Variants in DYRK1A observed in about 807,000 individuals in gnomAD.
The protein encoded by DYRK1A is dual specificity tyrosine-phosphorylation-regulated kinase 1A.
Under a neutral mutation model 79.7 loss-of-function variants are expected in DYRK1A, and 9 were observed. The observed-to-expected ratio is 0.11, with a 90% CI of 0.07 to 0.20. The LOEUF is 0.20. Ranked by LOEUF, DYRK1A falls within the 10% of genes least tolerant of loss-of-function variation. The probability of loss-of-function intolerance (pLI) is 1.00; values close to 1 mark genes in which losing one functional copy is unlikely to be tolerated. For missense variants in DYRK1A, 622 were observed against 956.0 expected (o/e 0.65, Z 4.61); for synonymous variants, 349 against 329.7 (o/e 1.06, Z -0.63).
At chr21:37,377,895 G>A (rs2049579662) in intron 1 of DYRK1A, among the ~76,000 whole-genome samples, 1 of 151,984 alleles carries the variant, frequency 6.6e-6, no homozygotes, top group African/African-American at 2.4e-5. Context: ...ATGTATAGTT[G>A]TGTTCTGTGA....
chr21:37,381,694 A>G (rs1487679265), intron 1 of DYRK1A, among the ~76,000 whole-genome samples: 1 of 152,212 alleles, frequency 6.6e-6, no homozygotes, highest in Non-Finnish European at 1.5e-5. Context: ...AGCCTGAGGC[A>G]GGAGGATCGC....
intron 1 of DYRK1A, among the ~76,000 whole-genome samples, chr21:37,371,902 A>AT (rs1305318159): frequency 6.6e-6 from 1 of 152,200 alleles, no homozygotes; most frequent in African/African-American, 2.4e-5. Context: ...TCTTGAGTGT[A>AT]TAACATTTCC....
chr21:37,466,131 T>G (rs1459781656), intron 2 of DYRK1A, among the ~76,000 whole-genome samples: 1 of 152,234 alleles, frequency 6.6e-6, no homozygotes, highest in Non-Finnish European at 1.5e-5. Context: ...AATTCTTTCA[T>G]AGCTATCTGG....
At chr21:37,458,757 C>T (rs775053692) in intron 2 of DYRK1A, among the ~76,000 whole-genome samples, 9 of 152,254 alleles carry the variant, frequency 5.9e-5, no homozygotes, top group Non-Finnish European at 8.8e-5. Context: ...CTTTGCACGC[C>T]GCAGAGGAAT....
At chr21:37,428,100 C>T (rs1378429969) in intron 2 of DYRK1A, among the ~76,000 whole-genome samples, 4 of 152,158 alleles carry the variant, frequency 2.6e-5, no homozygotes, top group Non-Finnish European at 5.9e-5. Context: ...CCCCAGGTCA[C>T]ACAGCTAGTA....
intron 1 of DYRK1A, among the ~76,000 whole-genome samples, chr21:37,417,418 T>C (rs2050364385): frequency 6.6e-6 from 1 of 151,848 alleles, no homozygotes; most frequent in African/African-American, 2.4e-5. Flanking sequence ...GGTCTTGAAC[T>C]CCCAACCTCA....
At chr21:37,417,436 C>T (rs144926105) in intron 1 of DYRK1A, among the ~76,000 whole-genome samples, 160 of 151,830 alleles carry the variant, frequency 1.1e-3, no homozygotes, top group South Asian at 2.3e-3. Flanking sequence ...TCAGGTGATA[C>T]GCCCACCTCG....
chr21:37,375,357 C>T (rs528656868), intron 1 of DYRK1A, among the ~76,000 whole-genome samples: 1 of 152,204 alleles, frequency 6.6e-6, no homozygotes, highest in Non-Finnish European at 1.5e-5. Context: ...ACTTACTTGA[C>T]ATGATTAGAA....
chr21:37,457,645 A>G (rs1053691974), intron 2 of DYRK1A, among the ~76,000 whole-genome samples: 106 of 152,338 alleles, frequency 7.0e-4, no homozygotes, highest in African/African-American at 2.2e-3. Flanking sequence ...TAGAATCACA[A>G]AGCCAAATGA....
At chr21:37,414,602 A>G (rs183446516) in intron 1 of DYRK1A, among the ~76,000 whole-genome samples, 3 of 152,286 alleles carry the variant, frequency 2.0e-5, no homozygotes, top group Non-Finnish European at 4.4e-5. Context: ...TTGGCTTTAC[A>G]TACTACATAC....
intron 2 of DYRK1A, among the ~76,000 whole-genome samples, chr21:37,469,423 T>TAATA (rs1444000587): frequency 6.6e-6 from 1 of 152,248 alleles, no homozygotes; most frequent in Non-Finnish European, 1.5e-5. Context: ...CTGCAGTTTA[T>TAATA]AGGCATAAGA....
At position 37,496,100 on chromosome 21, in the gene DYRK1A, T is replaced by C. The variant is rs1430028829; in HGVS notation, c.1072-18T>C. On this transcript the variant is annotated intron_variant, in intron 8 of 11. Coordinates refer to ENST00000647188, the MANE Select transcript of DYRK1A (RefSeq NM_001347721.2). ...ACAGTAGAAATTACAGGTTTTGTTG[T>C]TTTTATTTTTAATACAGGTAGATCA... 6.3e-7 allele frequency: 1 copy of C among 1,593,568 alleles called. No homozygotes were observed. The highest frequency in any genetic ancestry group is 1.2e-5 in the South Asian group (1 of 86,940).
chr21:37,390,937 T>TA (rs1171898466), intron 1 of DYRK1A, among the ~76,000 whole-genome samples: 10 of 152,342 alleles, frequency 6.6e-5, no homozygotes. Context: ...GTGATGTTGA[T>TA]ATTTTTGAGG....
chr21:37,403,419 C>T (rs1053787727), intron 1 of DYRK1A, among the ~76,000 whole-genome samples: 2 of 151,680 alleles, frequency 1.3e-5, no homozygotes, highest in African/African-American at 2.4e-5. Context: ...TCACATTTTT[C>T]TGTTTCTTTG....
chr21:37,379,203 T>C (rs1267856012), intron 1 of DYRK1A, among the ~76,000 whole-genome samples: 2 of 151,266 alleles, frequency 1.3e-5, no homozygotes, highest in Admixed American at 1.3e-4. Context: ...GACAGATCTG[T>C]GGGTTGGAGG....
intron 2 of DYRK1A, among the ~76,000 whole-genome samples, chr21:37,457,007 A>G (rs1157825446): frequency 6.8e-6 from 1 of 147,718 alleles, no homozygotes; most frequent in East Asian, 2.1e-4. Flanking sequence ...AGAGGTAAAA[A>G]GAAAATTTAC....
intron 4 of DYRK1A, among the ~76,000 whole-genome samples, chr21:37,478,512 A>G (rs2052484193): frequency 6.6e-6 from 1 of 152,042 alleles, no homozygotes; most frequent in South Asian, 2.1e-4. Context: ...GGATAACTTG[A>G]TTTTTTTAAG....
intron 2 of DYRK1A, among the ~76,000 whole-genome samples, chr21:37,423,813 TA>T (rs1418774939): frequency 6.6e-6 from 1 of 152,190 alleles, no homozygotes; most frequent in Non-Finnish European, 1.5e-5. Flanking sequence ...AATTTATTTT[TA>T]AATGTGCTGA....
At chr21:37,420,998 G>A (rs1023235530) in intron 2 of DYRK1A, among the ~76,000 whole-genome samples, 1 of 151,998 alleles carries the variant, frequency 6.6e-6, no homozygotes, top group African/African-American at 2.4e-5. Flanking sequence ...TAATTGAGGT[G>A]ATCTTTTACA....
Sources: gnomAD v4.1 joint callset for allele counts (sites outside exome capture counted in the v4.1 genomes callset) on GRCh38, gnomAD v4.1.1 for gene constraint, MANE v1.5 for transcripts, NCBI Gene and HGNC (gene_info 2026-07-23, HGNC 2026-07-21) for gene names.